The following CPA6 variants were observed in gnomAD, a reference collection of about 807,000 sequenced individuals.
CPA6 encodes carboxypeptidase B.
A neutral mutation model predicts 63.3 loss-of-function variants in CPA6; 58 were observed. The observed-to-expected ratio is 0.92, with a 90% CI of 0.74 to 1.14. The LOEUF is 1.14. Among genes scored for constraint, CPA6 ranks in the 50% most tolerant of loss-of-function variants. The pLI is 0.00. For synonymous variants in CPA6, 185 were observed against 179.0 expected (o/e 1.03, Z -0.27); for missense variants, 565 against 526.6 (o/e 1.07, Z -0.71).
intron 10 of CPA6, 81 bp from the exon 11 acceptor site, chr8:67,422,772 T>C: frequency 9.7e-7 from 1 of 1,025,736 alleles, no homozygotes; most frequent in Non-Finnish European, 1.4e-6. Context: ...CTATAAAGTA[T>C]CCGCTTATTA....
At chr8:67,486,744 T>A (rs1327124747) in intron 6 of CPA6, among the ~76,000 whole-genome samples, 2 of 152,200 alleles carry the variant, frequency 1.3e-5, no homozygotes, top group Non-Finnish European at 2.9e-5. Flanking sequence ...AACTCAGCTC[T>A]GAGATCATTT....
intron 1 of CPA6, among the ~76,000 whole-genome samples, chr8:67,632,689 A>G (rs1402570738): frequency 2.6e-5 from 4 of 152,184 alleles, no homozygotes; most frequent in African/African-American, 7.2e-5. Flanking sequence ...GTTCTTTACT[A>G]GAGAGCTATT....
chr8:67,732,601 T>C (rs1252802215), intron 1 of CPA6: 1 of 152,248 alleles, frequency 6.6e-6, no homozygotes, highest in African/African-American at 2.4e-5. Flanking sequence ...CAGAGTGGCA[T>C]GGGCTCTCAG....
intron 1 of CPA6, among the ~76,000 whole-genome samples, chr8:67,715,195 A>G (rs894108640): frequency 6.6e-6 from 1 of 151,392 alleles, no homozygotes; most frequent in Non-Finnish European, 1.5e-5. Context: ...GTTAGCTCAG[A>G]CCCTGCCACA....
chr8:67,588,635 G>A (rs531414647), intron 2 of CPA6, among the ~76,000 whole-genome samples: 1 of 152,230 alleles, frequency 6.6e-6, no homozygotes, highest in East Asian at 1.9e-4. Flanking sequence ...TTTAAAAATA[G>A]CTATATCTTT....
intron 8 of CPA6, among the ~76,000 whole-genome samples, chr8:67,446,936 A>G (rs1305569669): frequency 6.6e-6 from 1 of 152,128 alleles, no homozygotes; most frequent in Non-Finnish European, 1.5e-5. Flanking sequence ...ACAAGTACAC[A>G]TATGTACTCA....
intron 2 of CPA6, among the ~76,000 whole-genome samples, chr8:67,599,350 A>G (rs75706813): frequency 2.0e-5 from 3 of 152,198 alleles, no homozygotes; most frequent in Non-Finnish European, 2.9e-5. Flanking sequence ...TGTTCTGGAC[A>G]ACCATGTAAA....
intron 2 of CPA6, among the ~76,000 whole-genome samples, chr8:67,543,226 G>A (rs542615806): frequency 7.4e-4 from 112 of 152,316 alleles, no homozygotes; most frequent in Non-Finnish European, 1.3e-3. Flanking sequence ...AAGCAAAATA[G>A]AAATGATTGT....
chr8:67,653,451 C>A (rs1815897556), intron 1 of CPA6, among the ~76,000 whole-genome samples: 1 of 150,546 alleles, frequency 6.6e-6, no homozygotes, highest in African/African-American at 2.4e-5. Context: ...TTGAAGAGGT[C>A]CTTCACATCC....
intron 6 of CPA6, among the ~76,000 whole-genome samples, chr8:67,503,367 G>A (rs1811865846): frequency 6.6e-6 from 1 of 152,012 alleles, no homozygotes; most frequent in Admixed American, 6.6e-5. Context: ...CATCATCACA[G>A]CTCACTGCAG....
intron 2 of CPA6, among the ~76,000 whole-genome samples, chr8:67,522,540 C>T (rs1196845134): frequency 2.0e-5 from 3 of 152,248 alleles, no homozygotes; most frequent in Non-Finnish European, 4.4e-5. Flanking sequence ...CTATGACATG[C>T]TGCCATTCTC....
chr8:67,485,926 G>A (rs953515703), intron 6 of CPA6, among the ~76,000 whole-genome samples: 13 of 152,148 alleles, frequency 8.5e-5, no homozygotes, highest in Admixed American at 2.0e-4. Flanking sequence ...TATAGAATCT[G>A]ATGAGTCTGG....
intron 1 of CPA6, among the ~76,000 whole-genome samples, chr8:67,706,811 T>C (rs1258929098): frequency 6.6e-6 from 1 of 152,188 alleles, no homozygotes; most frequent in African/African-American, 2.4e-5. Context: ...TAAGATTACA[T>C]AGATTTGTCT....
At chr8:67,696,440 G>T (rs1816913802) in intron 1 of CPA6, among the ~76,000 whole-genome samples, 5 of 152,150 alleles carry the variant, frequency 3.3e-5, no homozygotes, top group Admixed American at 6.5e-5. Flanking sequence ...ATTCAAAATG[G>T]TATAGCTTCT....
At chr8:67,543,789 T>TTA (rs1812756626) in intron 2 of CPA6, among the ~76,000 whole-genome samples, 1 of 150,974 alleles carries the variant, frequency 6.6e-6, no homozygotes, top group East Asian at 1.9e-4. Flanking sequence ...ATTATTATTA[T>TTA]TATTATTTTT....
chr8:67,501,731 C>T (rs1811833570), intron 6 of CPA6, among the ~76,000 whole-genome samples: 1 of 152,104 alleles, frequency 6.6e-6, no homozygotes, highest in African/African-American at 2.4e-5. Flanking sequence ...TGTGCTGCCT[C>T]TAGTTTTGGT....
At chr8:67,672,064 A>T (rs1816360569) in intron 1 of CPA6, among the ~76,000 whole-genome samples, 1 of 152,126 alleles carries the variant, frequency 6.6e-6, no homozygotes, top group African/African-American at 2.4e-5. Flanking sequence ...TCCTGACCTC[A>T]TGTGATCCAC....
chr8:67,605,187 C>T (rs535629094), intron 2 of CPA6, among the ~76,000 whole-genome samples: 17 of 151,906 alleles, frequency 1.1e-4, no homozygotes, highest in Non-Finnish European at 2.4e-4. Context: ...CTCACAATAC[C>T]ATGTGTGATT....
chr8:67,437,723 A>T lies in CPA6; in HGVS notation c.839-3483T>A, dbSNP rs189016640. Among the ~76,000 whole-genome samples, 284 of 152,360 alleles carry T rather than the reference A, an allele frequency of 1.9e-3. 3 individuals are homozygous for T. The highest frequency in any genetic ancestry group is 3.5e-3 in the Admixed American group (54 of 15,304). Reference sequence around the variant, plus strand: ...AATACAGTTGATGAATGAATTAATAAGATGGAGAGTGGTTTGAAACATTCC... The same window carrying T: ...AATACAGTTGATGAATGAATTAATATGATGGAGAGTGGTTTGAAACATTCC... On this transcript the variant is annotated intron_variant, in intron 8 of 10. Transcript: ENST00000297770.
Sources: gnomAD v4.1 joint callset for allele counts (sites outside exome capture counted in the v4.1 genomes callset) on GRCh38, gnomAD v4.1.1 for gene constraint, MANE v1.5 for transcripts, NCBI Gene and HGNC (gene_info 2026-07-23, HGNC 2026-07-21) for gene names.